Variants in SLC14A2 observed in about 807,000 individuals in gnomAD.
The protein encoded by SLC14A2 is urea transporter 2.
A neutral mutation model predicts 104.6 loss-of-function variants in SLC14A2; 91 were observed. The ratio of observed to expected loss-of-function variants is 0.87; its 90% CI spans 0.73 to 1.04. The LOEUF is 1.04. Among genes scored for constraint, SLC14A2 ranks in the 50% least tolerant of loss-of-function variants. SLC14A2 has a pLI of 0.00. For synonymous variants in SLC14A2, 476 were observed against 466.4 expected (o/e 1.02, Z -0.27); for missense variants, 1,189 against 1,156.0 (o/e 1.03, Z -0.41).
At chr18:45,621,282 A>G (rs2045163992) in intron 1 of SLC14A2, among the ~76,000 whole-genome samples, 1 of 152,150 alleles carries the variant, frequency 6.6e-6, no homozygotes, top group Non-Finnish European at 1.5e-5. Flanking sequence ...AACCCTACCT[A>G]CAGGGTCAGA....
chr18:45,395,803 C>T (rs2086023391), intron 1 of SLC14A2, among the ~76,000 whole-genome samples: 1 of 152,102 alleles, frequency 6.6e-6, no homozygotes. Context: ...GTTTGGCCAC[C>T]TCAACAACAG....
chr18:45,420,463 G>A (rs2086331455), intron 1 of SLC14A2, among the ~76,000 whole-genome samples: 1 of 152,168 alleles, frequency 6.6e-6, no homozygotes, highest in African/African-American at 2.4e-5. Flanking sequence ...GGCATGTCTT[G>A]GAGGTTAAGT....
At chr18:45,504,243 G>C (rs57391230) in intron 2 of SLC14A2, among the ~76,000 whole-genome samples, 5,162 of 152,256 alleles carry the variant, frequency 0.034, 144 homozygotes, top group East Asian at 0.13. Flanking sequence ...GCTGGAAAAG[G>C]GAGGGCTCTT....
chr18:45,587,951 A>G (rs2044592364), intron 2 of SLC14A2, among the ~76,000 whole-genome samples: 1 of 152,052 alleles, frequency 6.6e-6, no homozygotes, highest in African/African-American at 2.4e-5. Flanking sequence ...AGAACAAACA[A>G]AGTCCAAGAT....
chr18:45,239,481 C>T (rs2084288854), intron 1 of SLC14A2, among the ~76,000 whole-genome samples: 1 of 152,258 alleles, frequency 6.6e-6, no homozygotes, highest in Admixed American at 6.5e-5. Flanking sequence ...TGAGGTGGCA[C>T]ACCTTGAGGG....
At chr18:45,554,521 TG>T (rs2044103361) in intron 2 of SLC14A2, among the ~76,000 whole-genome samples, 1 of 152,104 alleles carries the variant, frequency 6.6e-6, no homozygotes, top group African/African-American at 2.4e-5. Flanking sequence ...GGGAATTTGT[TG>T]GCAAGCAACG....
In SLC14A2 at chr18:45,388,409, C is replaced by T. The variant is rs184846147; in HGVS notation, c.-124-94824C>T. ...GCACCTGAAATGAAGTCTTGCTTTA[C>T]TGTGGCTGGAAAACAATTTCACTCC... On this transcript the variant is annotated intron_variant, in intron 1 of 20. Transcript: ENST00000586448. 9.2e-5 allele frequency among the ~76,000 whole-genome samples: 14 copies of T among 152,228 alleles called. 1 individual carries two copies. In the South Asian group the frequency reaches 1.0e-3, roughly 11 times the overall value.
chr18:45,666,121 T>C lies in SLC14A2; in HGVS notation c.1475-16T>C. The C allele has an allele frequency of 6.2e-7, 1 of 1,601,390 alleles. No homozygotes were observed. Among genetic ancestry groups the C allele is most frequent in the Non-Finnish European group, 8.6e-7 (1 of 1,168,366 alleles). On this transcript the variant is annotated splice_polypyrimidine_tract_variant and intron_variant, in intron 11 of 19. Coordinates refer to ENST00000255226, the MANE Select transcript of SLC14A2 (RefSeq NM_007163.4). ...GAGGTGTCCTAACTGATGGTGCTCT[T>C]TCCTTCTAACTCCAGTGTTTGGAAA...
intron 1 of SLC14A2, among the ~76,000 whole-genome samples, chr18:45,315,205 T>A (rs867076710): frequency 6.6e-6 from 1 of 152,034 alleles, no homozygotes; most frequent in Admixed American, 6.5e-5. Context: ...AGTTGAATCA[T>A]TGGAGTAGTG....
intron 1 of SLC14A2, among the ~76,000 whole-genome samples, chr18:45,480,256 TCC>T (rs2087466570): frequency 6.6e-6 from 1 of 151,858 alleles, no homozygotes; most frequent in African/African-American, 2.4e-5. Context: ...CAATGTCTAA[TCC>T]CAGACAAGAT....
the SLC14A2 span, among the ~76,000 whole-genome samples, chr18:45,200,903 T>C: frequency 6.6e-6 from 1 of 152,156 alleles, no homozygotes; most frequent in Non-Finnish European, 1.5e-5. Flanking sequence ...CTTGATTCAT[T>C]ATTATACTTT....
At chr18:45,652,528 C>G (rs1164852573) in intron 10 of SLC14A2, among the ~76,000 whole-genome samples, 1 of 152,228 alleles carries the variant, frequency 6.6e-6, no homozygotes, top group African/African-American at 2.4e-5. Context: ...TCCACATGGA[C>G]TTGGGCCCTT....
intron 1 of SLC14A2, among the ~76,000 whole-genome samples, chr18:45,312,135 G>A (rs763302962): frequency 9.9e-5 from 15 of 152,120 alleles, no homozygotes; most frequent in Non-Finnish European, 1.5e-4. Context: ...TCTGGACTTC[G>A]TTTGGCTCAT....
intron 10 of SLC14A2, among the ~76,000 whole-genome samples, chr18:45,650,829 T>C (rs974883509): frequency 4.6e-5 from 7 of 152,082 alleles, no homozygotes; most frequent in Non-Finnish European, 1.0e-4. Context: ...AACCTCCACC[T>C]CCCAGGTTCA....
chr18:45,480,356 A>G (rs1261807030), intron 1 of SLC14A2, among the ~76,000 whole-genome samples: 5 of 152,002 alleles, frequency 3.3e-5, no homozygotes, highest in African/African-American at 1.2e-4. Context: ...CAAATTGCTC[A>G]TGCCCTGTAC....
chr18:45,183,906 A>ATTTTTTTT, the SLC14A2 span, among the ~76,000 whole-genome samples: 1,795 of 62,762 alleles, frequency 0.029, 223 homozygotes, highest in Middle Eastern at 0.058. Flanking sequence ...TAATTTTCTA[A>ATTTTTTTT]TTTTTTTTTT....
Position 45,325,404 on chromosome 18 carries a change from A to G in SLC14A2, c.-125+112213A>G, listed in dbSNP as rs73429945. Among the ~76,000 whole-genome samples the G allele has an allele frequency of 1.7e-3, 254 of 152,314 alleles. 1 individual carries two copies. Among genetic ancestry groups the G allele is most frequent in the African/African-American group, 5.7e-3 (239 of 41,582 alleles). On this transcript the variant is annotated intron_variant, in intron 1 of 20. Transcript: ENST00000586448. ...GACTGTCTTCTTGTGACTTACATACATTCACATGACCAGAAAACAAGCAAG... is the reference window on the plus strand; with the variant it reads ...GACTGTCTTCTTGTGACTTACATACGTTCACATGACCAGAAAACAAGCAAG...
intron 1 of SLC14A2, among the ~76,000 whole-genome samples, chr18:45,234,461 G>A (rs2084205516): frequency 6.6e-6 from 1 of 152,270 alleles, no homozygotes; most frequent in African/African-American, 2.4e-5. Context: ...ACTGATTTTA[G>A]TGAACTCCTT....
chr18:45,365,206 A>G (rs185656285), intron 1 of SLC14A2, among the ~76,000 whole-genome samples: 26 of 152,356 alleles, frequency 1.7e-4, no homozygotes, highest in Non-Finnish European at 2.9e-4. Flanking sequence ...TTACAGAGCT[A>G]GAGTTAGAAA....
Sources: allele counts gnomAD v4.1 joint callset (sites outside exome capture counted in the v4.1 genomes callset), GRCh38; gene constraint gnomAD v4.1.1; transcripts MANE v1.5; gene names NCBI Gene and HGNC (gene_info 2026-07-23, HGNC 2026-07-21).